Variants in SHC3 observed in about 807,000 individuals in gnomAD.
The protein encoded by SHC3 is SHC-transforming protein 3.
SHC3 carries 15 observed loss-of-function variants against 60.4 expected under a neutral mutation model. The ratio of observed to expected loss-of-function variants is 0.25; its 90% CI spans 0.17 to 0.38. The LOEUF is 0.38. SHC3 is among the 10% of genes least tolerant of loss of function. SHC3 has a pLI of 1.00. For synonymous variants in SHC3, 294 were observed against 325.9 expected, an observed-to-expected ratio of 0.90 and a Z score of 1.05; for missense variants, 677 against 786.1, an observed-to-expected ratio of 0.86 and a Z score of 1.66.
chr9:89,147,676 C>G (rs1417043394), intron 1 of SHC3, among the ~76,000 whole-genome samples: 1 of 152,098 alleles, frequency 6.6e-6, no homozygotes, highest in Admixed American at 6.5e-5. Context: ...TTGCACGATG[C>G]CTTTTTCCCC....
intron 6 of SHC3, among the ~76,000 whole-genome samples, chr9:89,055,449 C>G (rs184291037): frequency 6.6e-6 from 1 of 152,234 alleles, no homozygotes; most frequent in South Asian, 2.1e-4. Flanking sequence ...ACAATCCCAA[C>G]GTCTCTGGCT....
chr9:89,148,806 C>T (rs1253545713), intron 1 of SHC3, among the ~76,000 whole-genome samples: 1 of 152,224 alleles, frequency 6.6e-6, no homozygotes, highest in African/African-American at 2.4e-5. Flanking sequence ...AAATTTCACT[C>T]TATCTTTTGT....
Position 89,109,313 on chromosome 9 carries a change from GC to G in SHC3, c.545+3242del, listed in dbSNP as rs150895425. 1,446 of 797,374 alleles carry G rather than the reference GC, an allele frequency of 1.8e-3. 19 individuals carry two copies. In the African/African-American group the frequency reaches 0.025, roughly 14 times the overall value. The allele number at this position is 797,374 out of a possible 1,614,324, so 49.4% of individuals were successfully genotyped here. On this transcript the variant is annotated intron_variant, in intron 2 of 11. Transcript: ENST00000375835. Reference sequence around the variant, plus strand: ...AGGGGGTCCCTCCTCCGGTCATGGTGCCCAGCATGCAGTCTGGTTGGCCCCT... The same window carrying G: ...AGGGGGTCCCTCCTCCGGTCATGGTGCCAGCATGCAGTCTGGTTGGCCCCT...
chr9:89,101,664 A>T (rs1434504883), intron 2 of SHC3, among the ~76,000 whole-genome samples: 1 of 151,046 alleles, frequency 6.6e-6, no homozygotes, highest in African/African-American at 2.4e-5. Context: ...GATTTTTTTT[A>T]ATGTTGACTC....
At chr9:89,049,093 C>G (rs564128891) in intron 7 of SHC3, among the ~76,000 whole-genome samples, 1 of 152,272 alleles carries the variant, frequency 6.6e-6, no homozygotes, top group East Asian at 1.9e-4. Flanking sequence ...AATCCCATCT[C>G]TACTAAAAAT....
intron 11 of SHC3, among the ~76,000 whole-genome samples, chr9:89,022,860 C>T (rs1221946633): frequency 3.3e-5 from 5 of 152,314 alleles, no homozygotes; most frequent in African/African-American, 9.6e-5. Context: ...AATTCTCTTA[C>T]GGTGTACTGT....
intron 11 of SHC3, 89 bp downstream of exon 11, chr9:89,037,904 A>G (rs1408471773): frequency 2.0e-6 from 3 of 1,487,914 alleles, no homozygotes; most frequent in Non-Finnish European, 2.7e-6. Context: ...TAGAGGTGGG[A>G]ATGTGGAGGG....
intron 2 of SHC3, among the ~76,000 whole-genome samples, chr9:89,079,734 T>C (rs1006383307): frequency 7.9e-5 from 12 of 152,176 alleles, no homozygotes; most frequent in Admixed American, 7.9e-4. Context: ...TTCTTTCCAA[T>C]ACCTTTTCAC....
chr9:89,073,640 G>T (rs578234811), intron 4 of SHC3, among the ~76,000 whole-genome samples: 1 of 152,314 alleles, frequency 6.6e-6, no homozygotes, highest in East Asian at 1.9e-4. Context: ...CAAACCAAGG[G>T]CAGGAAAACA....
rs557496413 is a variant in SHC3, at chr9:89,061,795, C to T, written c.835+3734G>A. On this transcript the variant is annotated intron_variant, in intron 6 of 11. Transcript: ENST00000375835. The stretch of plus-strand genomic sequence containing the variant: ...CCATCCTGTCCAGTCCTTCTCAGGA[C>T]GTGAATCCTCGCTCTGTCCCAAGTA... 4.7e-4 allele frequency among the ~76,000 whole-genome samples: 71 copies of T among 152,324 alleles called. No individual in the cohort carries two copies. In the South Asian group the frequency reaches 5.8e-3, roughly 12 times the overall value.
chr9:89,029,380 T>A (rs557947112), intron 11 of SHC3, among the ~76,000 whole-genome samples: 98 of 152,050 alleles, frequency 6.4e-4, no homozygotes, highest in Admixed American at 2.4e-3. Flanking sequence ...AAATTAAAAA[T>A]TTATAGAAAA....
chr9:89,043,549 C>T (rs112106697), intron 9 of SHC3, among the ~76,000 whole-genome samples: 6 of 152,264 alleles, frequency 3.9e-5, no homozygotes, highest in Non-Finnish European at 5.9e-5. Context: ...CAGGAGGACA[C>T]GTGCCATCGT....
intron 6 of SHC3, 151 bp downstream of exon 6, chr9:89,065,378 A>G (rs1825161670): frequency 2.4e-6 from 2 of 831,276 alleles, no homozygotes; most frequent in Non-Finnish European, 4.0e-6. Context: ...CAAGCGATCT[A>G]CAACCCTTGC....
intron 2 of SHC3, among the ~76,000 whole-genome samples, chr9:89,110,853 C>T (rs1249452989): frequency 2.0e-5 from 3 of 152,186 alleles, no homozygotes; most frequent in African/African-American, 7.2e-5. Flanking sequence ...ATCAAAACCT[C>T]CAAACCCATC....
intron 11 of SHC3, among the ~76,000 whole-genome samples, chr9:89,017,685 G>T (rs1307655355): frequency 6.6e-6 from 1 of 152,110 alleles, no homozygotes; most frequent in African/African-American, 2.4e-5. Flanking sequence ...CACAGCAAAA[G>T]AAACTATCAT....
chr9:89,088,097 G>T (rs894199457), intron 2 of SHC3, among the ~76,000 whole-genome samples: 3 of 152,130 alleles, frequency 2.0e-5, no homozygotes, highest in African/African-American at 7.2e-5. Context: ...ACCTTTTAGG[G>T]TTGGTTAAGA....
At chr9:89,176,823 T>C (rs1157956684) in intron 1 of SHC3, among the ~76,000 whole-genome samples, 1 of 152,234 alleles carries the variant, frequency 6.6e-6, no homozygotes. Context: ...ACTTTTTATA[T>C]AGTTAAAGGC....
In SHC3 at chr9:89,038,058, AG is replaced by A. The variant is rs1273999737; in HGVS notation, c.1590del (p.Phe531LeufsTer41). On this transcript the variant is annotated frameshift_variant, in exon 11 of 12. Transcript: ENST00000375835. LOFTEE classifies it high-confidence loss of function. ...CCATTGTGCATGCCCGTGAGGACAA[AG>A]GAGCCCGGGTTGGTGGTGCTCTTCC... ...LVRKSTTNPG[S>X]FVLTGMHNGQ... 6.2e-7 allele frequency: 1 copy of A among 1,613,948 alleles called. No individual in the cohort carries two copies. The highest frequency in any genetic ancestry group is 8.5e-7 in the Non-Finnish European group (1 of 1,180,038).
At chr9:89,164,432 A>C (rs532328363) in intron 1 of SHC3, among the ~76,000 whole-genome samples, 1 of 152,254 alleles carries the variant, frequency 6.6e-6, no homozygotes, top group Admixed American at 6.5e-5. Context: ...GCTAAGCCCA[A>C]AAGTGCAACT....
Sources: allele counts gnomAD v4.1 joint callset (sites outside exome capture counted in the v4.1 genomes callset), GRCh38; gene constraint gnomAD v4.1.1; transcripts MANE v1.5; gene names NCBI Gene and HGNC (gene_info 2026-07-23, HGNC 2026-07-21).